Variants in TSHZ2 observed in about 807,000 individuals in gnomAD.
The protein encoded by TSHZ2 is teashirt homolog 2.
A neutral mutation model predicts 74.4 loss-of-function variants in TSHZ2; 21 were observed. That is an observed-to-expected ratio of 0.28 (90% CI 0.20 to 0.41). The LOEUF is 0.41. TSHZ2 is among the 10% of genes least tolerant of loss of function. The pLI, the probability that TSHZ2 is intolerant of heterozygous loss-of-function variation, is 1.00. For missense variants in TSHZ2, 1,244 were observed against 1,293.5 expected (o/e 0.96, Z 0.59); for synonymous variants, 540 against 515.3 (o/e 1.05, Z -0.65).
chr20:53,049,080 G>A (rs966324039), intron 1 of TSHZ2, among the ~76,000 whole-genome samples: 1 of 152,034 alleles, frequency 6.6e-6, no homozygotes, highest in Non-Finnish European at 1.5e-5. Flanking sequence ...CATTGACATC[G>A]TGTTTGTAAA....
chr20:53,445,080 T>A (rs1984499412), intron 2 of TSHZ2, among the ~76,000 whole-genome samples: 1 of 152,138 alleles, frequency 6.6e-6, no homozygotes, highest in Non-Finnish European at 1.5e-5. Context: ...GCATTTCACA[T>A]TATTAAAAAA....
At chr20:53,335,632 GA>G (rs1979915196) in intron 2 of TSHZ2, among the ~76,000 whole-genome samples, 1 of 152,224 alleles carries the variant, frequency 6.6e-6, no homozygotes, top group African/African-American at 2.4e-5. Flanking sequence ...TGTGACAAGG[GA>G]AAAGTGAAAT....
chr20:53,315,158 TAC>T (rs1041444738), intron 2 of TSHZ2, among the ~76,000 whole-genome samples: 1 of 152,222 alleles, frequency 6.6e-6, no homozygotes, highest in African/African-American at 2.4e-5. Context: ...TGGAAATCGC[TAC>T]ACTCTTAAGA....
At chr20:53,216,178 A>C (rs1050374573) in intron 1 of TSHZ2, among the ~76,000 whole-genome samples, 3 of 152,206 alleles carry the variant, frequency 2.0e-5, no homozygotes, top group Non-Finnish European at 2.9e-5. Context: ...CTAGTATTTC[A>C]GCATTCTATG....
chr20:53,261,049 A>G (rs927644007), intron 2 of TSHZ2, among the ~76,000 whole-genome samples: 2 of 152,224 alleles, frequency 1.3e-5, no homozygotes, highest in African/African-American at 4.8e-5. Flanking sequence ...TTGTCCAAGA[A>G]GACAAAACTA....
chr20:53,193,737 C>T (rs920775596), intron 1 of TSHZ2, among the ~76,000 whole-genome samples: 3 of 152,192 alleles, frequency 2.0e-5, no homozygotes, highest in African/African-American at 7.2e-5. Flanking sequence ...AGAAGCAGCA[C>T]ATCAGAGATT....
In TSHZ2 at chr20:53,256,457, G is replaced by A; in HGVS notation, c.2999G>A (p.Cys1000Tyr). The change falls in exon 2 of 3, where the codon TGT (cysteine) becomes TAT (tyrosine). Residue 1000 changes from cysteine to tyrosine, a missense_variant. This residue lies in a region of TSHZ2 where 185 missense variants were observed against 213.3 expected (regional missense o/e 0.87). Coordinates refer to ENST00000371497, the MANE Select transcript of TSHZ2 (RefSeq NM_173485.6). This position sits in a 1 kb window ranked among gnomAD's most constrained non-coding sequence, Gnocchi z 4.3. Reference protein sequence around the residue: ...TDSKFKCKLCCRTFVSKHAVK... With the variant: ...TDSKFKCKLCYRTFVSKHAVK... ...TCTAAATTCAAGTGTAAGTTGTGCT[G>A]TCGGACATTTGTGAGCAAACATGCG... 6.2e-7 allele frequency: 1 copy of A among 1,614,136 alleles called. No homozygotes were observed. Among genetic ancestry groups the A allele is most frequent in the South Asian group, 1.1e-5 (1 of 91,078 alleles).
chr20:53,127,438 G>A (rs537000886), intron 1 of TSHZ2, among the ~76,000 whole-genome samples: 7 of 152,378 alleles, frequency 4.6e-5, no homozygotes, highest in East Asian at 1.9e-4. Context: ...GCATAGTGGC[G>A]CACGCCTGTA....
At chr20:53,058,250 G>A (rs1334751480) in intron 1 of TSHZ2, among the ~76,000 whole-genome samples, 1 of 152,100 alleles carries the variant, frequency 6.6e-6, no homozygotes, top group African/African-American at 2.4e-5. Context: ...TACTGGTATG[G>A]GTCTGTAGCC....
intron 1 of TSHZ2, among the ~76,000 whole-genome samples, chr20:53,032,626 T>C (rs955995778): frequency 3.9e-5 from 6 of 152,186 alleles, no homozygotes; most frequent in African/African-American, 1.4e-4. Context: ...GTCAAAGCAT[T>C]TGGGGGTCAG....
chr20:53,086,169 C>T (rs1373935843), intron 1 of TSHZ2, among the ~76,000 whole-genome samples: 2 of 152,194 alleles, frequency 1.3e-5, no homozygotes, highest in Non-Finnish European at 2.9e-5. Flanking sequence ...TCAAAGGAAA[C>T]TAAGCAATAA....
chr20:53,427,757 C>A (rs562021422), intron 2 of TSHZ2, among the ~76,000 whole-genome samples: 1 of 152,330 alleles, frequency 6.6e-6, no homozygotes, highest in Non-Finnish European at 1.5e-5. Flanking sequence ...ATGTGCCCCC[C>A]AACTTACTGC....
At chr20:53,407,530 C>T (rs1232162496) in intron 2 of TSHZ2, among the ~76,000 whole-genome samples, 1 of 152,166 alleles carries the variant, frequency 6.6e-6, no homozygotes, top group Non-Finnish European at 1.5e-5. Flanking sequence ...CATGGAATCT[C>T]GTGGAAATGA....
intron 2 of TSHZ2, among the ~76,000 whole-genome samples, chr20:53,345,015 C>T (rs906282835): frequency 1.3e-5 from 2 of 152,182 alleles, no homozygotes; most frequent in Non-Finnish European, 2.9e-5. Context: ...TATTTGTGTG[C>T]AAGCAACAGA....
intron 2 of TSHZ2, among the ~76,000 whole-genome samples, chr20:53,432,095 C>A (rs2145734321): frequency 6.6e-6 from 1 of 152,206 alleles, no homozygotes; most frequent in Middle Eastern, 3.4e-3. Context: ...GTAGTGTACC[C>A]AAAATGTAGT....
intron 1 of TSHZ2, among the ~76,000 whole-genome samples, chr20:53,163,316 A>G (rs993812305): frequency 4.7e-5 from 7 of 147,826 alleles, no homozygotes; most frequent in African/African-American, 1.7e-4. Context: ...TAGGTTATAA[A>G]AAGATGGTGG....
At chr20:53,156,687 G>C (rs1987802795) in intron 1 of TSHZ2, among the ~76,000 whole-genome samples, 1 of 152,194 alleles carries the variant, frequency 6.6e-6, no homozygotes, top group Non-Finnish European at 1.5e-5. Context: ...AGAAAGAAAA[G>C]AATTGCTCAA....
At chr20:52,987,441 T>A (rs923793078) in intron 1 of TSHZ2, among the ~76,000 whole-genome samples, 2 of 152,030 alleles carry the variant, frequency 1.3e-5, no homozygotes, top group African/African-American at 4.8e-5. Flanking sequence ...TCCCTTTTTT[T>A]ATACTCTTTC....
chr20:53,196,935 A>G (rs952080383), intron 1 of TSHZ2, among the ~76,000 whole-genome samples: 1 of 152,214 alleles, frequency 6.6e-6, no homozygotes, highest in African/African-American at 2.4e-5. Context: ...CCCTATGTCC[A>G]ATTTCCCCTG....
Sources: gnomAD v4.1 joint callset for allele counts (sites outside exome capture counted in the v4.1 genomes callset) on GRCh38, gnomAD v4.1.1 for gene constraint, gnomAD v4.1.1 regional missense constraint, Gnocchi (gnomAD v3.1) non-coding constraint, MANE v1.5 for transcripts, NCBI Gene and HGNC (gene_info 2026-07-23, HGNC 2026-07-21) for gene names.